The following PHB1 variants were observed in gnomAD, a reference collection of about 807,000 sequenced individuals.
PHB1 encodes epididymis luminal protein 215.
At chr17:49,409,543 G>GGT in the PHB1 span, 3 of 839,084 alleles carry the variant, frequency 3.6e-6, no homozygotes, top group Non-Finnish European at 5.1e-6. Context: ...TTTTTTTTTT[G>GGT]TTTTTTTTTT....
the PHB1 span, chr17:49,409,454 G>C: frequency 6.4e-7 from 1 of 1,553,782 alleles, no homozygotes; most frequent in Non-Finnish European, 8.7e-7. Context: ...TGCGCAGTGT[G>C]ATGTTGACAT....
At chr17:49,405,160 G>A in the PHB1 span, 8 of 1,613,998 alleles carry the variant, frequency 5.0e-6, no homozygotes, top group East Asian at 4.5e-5. Context: ...CTGCCTTGGA[G>A]TCGCCCTCAG....
the PHB1 span, chr17:49,414,210 C>G: frequency 6.6e-6 from 1 of 152,036 alleles, no homozygotes; most frequent in South Asian, 2.1e-4. Context: ...GAATTAGAAC[C>G]CAGAGGTCTA....
chr17:49,407,307 C>A, the PHB1 span: 1 of 169,666 alleles, frequency 5.9e-6, no homozygotes, highest in Non-Finnish European at 1.3e-5. Flanking sequence ...AGCTGGTTCC[C>A]AGGGATCCAA....
the PHB1 span, chr17:49,409,312 A>G: frequency 7.4e-6 from 12 of 1,613,888 alleles, no homozygotes; most frequent in Non-Finnish European, 1.0e-5. Flanking sequence ...CTCGAGGCTA[A>G]AGGCCCCTGT....
At chr17:49,412,540 T>C in the PHB1 span, 1 of 152,932 alleles carries the variant, frequency 6.5e-6, no homozygotes, top group Non-Finnish European at 1.5e-5. Context: ...GATGGGTCAA[T>C]CTATTGCTGC....
At chr17:49,413,184 T>C in the PHB1 span, 1 of 1,612,040 alleles carries the variant, frequency 6.2e-7, no homozygotes, top group Admixed American at 1.7e-5. Context: ...CACCATTATA[T>C]AAGGCAGAGT....
chr17:49,406,235 G>C, the PHB1 span, among the ~76,000 whole-genome samples: 1 of 152,178 alleles, frequency 6.6e-6, no homozygotes, highest in Non-Finnish European at 1.5e-5. Context: ...ACCAATTAGG[G>C]ATACTGGTGG....
chr17:49,411,747 C>A, the PHB1 span: 1 of 1,614,064 alleles, frequency 6.2e-7, no homozygotes. Context: ...GGTTTCTGTA[C>A]CCACGGGATG....
chr17:49,404,871 A>G, the PHB1 span: 2 of 674,494 alleles, frequency 3.0e-6, no homozygotes, highest in Non-Finnish European at 5.2e-6. Flanking sequence ...TATTTCCTTC[A>G]CTTTAAGCCA....
the PHB1 span, chr17:49,405,329 C>A: frequency 1.4e-6 from 1 of 734,930 alleles, no homozygotes; most frequent in South Asian, 1.8e-5. Context: ...AGTTTACTTC[C>A]TCCTGATGGC....
the PHB1 span, chr17:49,404,913 G>T: frequency 1.1e-6 from 1 of 919,752 alleles, no homozygotes; most frequent in Non-Finnish European, 1.7e-6. Flanking sequence ...TTCTGGGGTG[G>T]GAGCAGAAGG....
the PHB1 span, among the ~76,000 whole-genome samples, chr17:49,410,827 G>A: frequency 4.6e-5 from 7 of 152,194 alleles, no homozygotes; most frequent in Non-Finnish European, 8.8e-5. Context: ...GAAAACAGAC[G>A]TAAAAGCACT....
the PHB1 span, chr17:49,409,532 GTT>G: frequency 4.0e-6 from 3 of 744,644 alleles, no homozygotes; most frequent in Non-Finnish European, 3.9e-6. Flanking sequence ...GAAAACAAGT[GTT>G]TTTTTTTTGT....
At chr17:49,409,284 C>T in the PHB1 span, 8 of 1,612,624 alleles carry the variant, frequency 5.0e-6, no homozygotes, top group Non-Finnish European at 5.9e-6. Flanking sequence ...TGGCACCCTC[C>T]CAGGGTGGTG....
the PHB1 span, chr17:49,409,142 C>T: frequency 1.2e-6 from 2 of 1,613,792 alleles, no homozygotes; most frequent in Admixed American, 1.7e-5. Flanking sequence ...GATTAGTTCT[C>T]CAGCATCAAA....
the PHB1 span, chr17:49,413,240 T>C: frequency 6.2e-7 from 1 of 1,610,190 alleles, no homozygotes; most frequent in Admixed American, 1.7e-5. Flanking sequence ...AACTTGCCAA[T>C]GGACTCAAAC....
At chr17:49,405,795 C>A in the PHB1 span, among the ~76,000 whole-genome samples, 1 of 144,614 alleles carries the variant, frequency 6.9e-6, no homozygotes, top group Non-Finnish European at 1.6e-5. Context: ...AACAAACAAA[C>A]AAAAAACCTC....
chr17:49,406,142 C>A, the PHB1 span, among the ~76,000 whole-genome samples: 1 of 152,230 alleles, frequency 6.6e-6, no homozygotes, highest in Non-Finnish European at 1.5e-5. Flanking sequence ...CAACACAAGT[C>A]TCTGCCCACA....
Sources: gnomAD v4.1 joint callset for allele counts (sites outside exome capture counted in the v4.1 genomes callset) on GRCh38, gnomAD v4.1.1 for gene constraint, MANE v1.5 for transcripts, NCBI Gene and HGNC (gene_info 2026-07-23, HGNC 2026-07-21) for gene names.